The following AGAP1 variants were observed in gnomAD, a reference collection of about 807,000 sequenced individuals.
AGAP1 encodes ArfGAP with GTPase domain, ankyrin repeat and PH domain 1, also known as arf-GAP with GTPase, ANK repeat and PH domain-containing protein 1.
A neutral mutation model predicts 105.3 loss-of-function variants in AGAP1; 29 were observed. The observed-to-expected ratio is 0.28, with a 90% confidence interval of 0.21 to 0.38. AGAP1 has a LOEUF of 0.38. Ranked by LOEUF, AGAP1 falls within the 10% of genes least tolerant of loss-of-function variation. The pLI is 1.00. For synonymous variants in AGAP1, 509 were observed against 485.9 expected, an observed-to-expected ratio of 1.05 and a Z score of -0.63; for missense variants, 998 against 1,165.1, an observed-to-expected ratio of 0.86 and a Z score of 2.09.
intron 9 of AGAP1, among the ~76,000 whole-genome samples, chr2:235,871,598 T>C (rs998148523): frequency 1.3e-5 from 2 of 152,248 alleles, no homozygotes; most frequent in African/African-American, 4.8e-5. Flanking sequence ...GTTTTTGATT[T>C]TTGTTACAGC....
At chr2:235,717,785 T>A in intron 3 of AGAP1, 141 bp downstream of exon 3, 1 of 712,430 alleles carries the variant, frequency 1.4e-6, no homozygotes, top group Non-Finnish European at 2.3e-6. Flanking sequence ...CCCTTAAGTA[T>A]GTGGTTTCTT....
chr2:235,717,701 C>T (rs1264520090), intron 3 of AGAP1, 57 bp downstream of exon 3: 1 of 1,440,098 alleles, frequency 6.9e-7, no homozygotes, highest in Non-Finnish European at 9.6e-7. Flanking sequence ...AAAATTTTTC[C>T]TTAGCATATT....
intron 9 of AGAP1, among the ~76,000 whole-genome samples, chr2:235,818,964 G>C (rs748325814): frequency 4.6e-5 from 7 of 152,210 alleles, no homozygotes; most frequent in Non-Finnish European, 1.0e-4. Flanking sequence ...TTTACGCAGG[G>C]CTGTCCTGGA....
Position 236,050,772 on chromosome 2 carries a change from A to G in AGAP1, c.2114+1491A>G, listed in dbSNP as rs1262799842. ...AAGAAGCACATTCACTATTTTTAAT[A>G]TCATGAATTATTAGAAAAGTTTGTT... On this transcript the variant is annotated intron_variant, in intron 16 of 17. Transcript: ENST00000304032. This position sits in a 1 kb window ranked among gnomAD's most constrained non-coding sequence, Gnocchi z 4.0. Among the ~76,000 whole-genome samples the G allele has an allele frequency of 1.3e-5, 2 of 152,256 alleles. No homozygotes were observed. The highest frequency in any genetic ancestry group is 2.4e-5 in the African/African-American group (1 of 41,472).
intron 14 of AGAP1, among the ~76,000 whole-genome samples, chr2:236,039,172 C>T (rs1479644752): frequency 1.3e-5 from 2 of 152,104 alleles, no homozygotes; most frequent in African/African-American, 2.4e-5. Flanking sequence ...CAGCCAGACA[C>T]GATGGTTCAC....
intron 13 of AGAP1, among the ~76,000 whole-genome samples, chr2:236,015,035 T>C (rs1275597444): frequency 6.6e-6 from 1 of 152,210 alleles, no homozygotes; most frequent in African/African-American, 2.4e-5. Flanking sequence ...CCTGTGGTCT[T>C]TTCATCTTTT....
In AGAP1 at chr2:235,796,312, G is replaced by A. The variant is rs545944800; in HGVS notation, c.674-1447G>A. Among the ~76,000 whole-genome samples the A allele has an allele frequency of 2.0e-5, 3 of 152,270 alleles. No individual in the cohort carries two copies. In the South Asian group the frequency reaches 6.2e-4, roughly 32 times the overall value. Reference sequence around the variant, plus strand: ...TTGAAATCTTAGATTTTATTTTTGAGTTCACATAATGACTTTAAAATATTC... The same window carrying A: ...TTGAAATCTTAGATTTTATTTTTGAATTCACATAATGACTTTAAAATATTC... On this transcript the variant is annotated intron_variant, in intron 6 of 17. Transcript: ENST00000304032.
chr2:235,521,130 A>G (rs1354932566), intron 1 of AGAP1, among the ~76,000 whole-genome samples: 2 of 152,234 alleles, frequency 1.3e-5, no homozygotes, highest in African/African-American at 4.8e-5. Flanking sequence ...CAGAGCTTCC[A>G]ACAGTGTGAC....
At chr2:235,666,002 G>C (rs1238470495) in intron 1 of AGAP1, among the ~76,000 whole-genome samples, 1 of 152,194 alleles carries the variant, frequency 6.6e-6, no homozygotes, top group African/African-American at 2.4e-5. Flanking sequence ...GAGGAGTCGT[G>C]AGACGGTGGC....
At position 236,042,713 on chromosome 2, in the gene AGAP1, G is replaced by C. The variant is rs75462634; in HGVS notation, c.1891+1872G>C. 0.011 allele frequency among the ~76,000 whole-genome samples: 1,733 copies of C among 152,232 alleles called. 41 individuals carry two copies. Among genetic ancestry groups the C allele is most frequent in the African/African-American group, 0.039 (1,603 of 41,532 alleles). On this transcript the variant is annotated intron_variant, in intron 15 of 17. Transcript: ENST00000304032. This position sits in a 1 kb window ranked among gnomAD's most constrained non-coding sequence, Gnocchi z 5.6. ...AGCTTGTGCATGTGAGTGCGGATGG[G>C]GGGTGGGAAAGGGAGGCCAGTGCAG...
At chr2:235,760,264 G>A (rs1175691583) in intron 6 of AGAP1, among the ~76,000 whole-genome samples, 1 of 152,076 alleles carries the variant, frequency 6.6e-6, no homozygotes, top group African/African-American at 2.4e-5. Context: ...CTGTAGTCCC[G>A]GCTACTCGGG....
chr2:235,707,476 C>G (rs1950596054), intron 1 of AGAP1, among the ~76,000 whole-genome samples: 3 of 93,250 alleles, frequency 3.2e-5, no homozygotes, highest in Non-Finnish European at 6.7e-5. Flanking sequence ...CCCATGACCC[C>G]CCCCCCCCCC....
At chr2:235,748,188 G>A (rs1559430591) in intron 5 of AGAP1, among the ~76,000 whole-genome samples, 1 of 152,348 alleles carries the variant, frequency 6.6e-6, no homozygotes, top group African/African-American at 2.4e-5. Flanking sequence ...GCAGAAGCCC[G>A]TTTTGGTGCA....
chr2:235,648,399 A>G (rs1377368523), intron 1 of AGAP1, among the ~76,000 whole-genome samples: 1 of 152,210 alleles, frequency 6.6e-6, no homozygotes, highest in African/African-American at 2.4e-5. Flanking sequence ...TCTTGGAACC[A>G]TGAAGAGTCT....
intron 11 of AGAP1, among the ~76,000 whole-genome samples, chr2:235,914,644 C>A (rs1272604073): frequency 6.6e-6 from 1 of 152,200 alleles, no homozygotes; most frequent in Non-Finnish European, 1.5e-5. Flanking sequence ...GAGGAAGAAA[C>A]ACGCACTGTC....
At position 236,036,056 on chromosome 2, in the gene AGAP1, A is replaced by G. The variant is rs1411977534; in HGVS notation, c.1646-505A>G. 2.0e-5 allele frequency among the ~76,000 whole-genome samples: 3 copies of G among 151,944 alleles called. No homozygotes were observed. Among genetic ancestry groups the G allele is most frequent in the African/African-American group, 7.3e-5 (3 of 41,348 alleles). ...TCCCATGCACTCTCCCTGTCTGAAA[A>G]CGTGGGAATTGATGCCTCTCCCACG... On this transcript the variant is annotated intron_variant, in intron 13 of 17. Transcript: ENST00000304032. The surrounding 1 kb of genome is among the most constrained non-coding windows in gnomAD (Gnocchi z 5.7).
rs2054930415 is a variant in AGAP1, at chr2:235,977,995, C to T, written c.1645+9372C>T. Among the ~76,000 whole-genome samples the T allele has an allele frequency of 6.6e-6, 1 of 152,064 alleles. No homozygotes were observed. The highest frequency in any genetic ancestry group is 2.1e-4 in the South Asian group (1 of 4,820). On this transcript the variant is annotated intron_variant, in intron 13 of 17. Coordinates refer to ENST00000304032, the MANE Select transcript of AGAP1 (RefSeq NM_001037131.3). This position sits in a 1 kb window ranked among gnomAD's most constrained non-coding sequence, Gnocchi z 5.2. Reference sequence around the variant, plus strand: ...AGCTCTCTTCCTGGCTTGCAGGTGGCCCTTTTCTTGCTGTGTCCTCATGTG... The same window carrying T: ...AGCTCTCTTCCTGGCTTGCAGGTGGTCCTTTTCTTGCTGTGTCCTCATGTG...
At chr2:236,028,278 C>CG (rs1326454964) in intron 13 of AGAP1, among the ~76,000 whole-genome samples, 1 of 152,138 alleles carries the variant, frequency 6.6e-6, no homozygotes, top group Non-Finnish European at 1.5e-5. Context: ...TTTCATTCTC[C>CG]GGGAGAGGAG....
At chr2:235,706,436 G>A (rs1421698270) in intron 1 of AGAP1, among the ~76,000 whole-genome samples, 1 of 151,800 alleles carries the variant, frequency 6.6e-6, no homozygotes, top group East Asian at 1.9e-4. Flanking sequence ...CACCATGTTA[G>A]CCAGGATGAT....
Sources: allele counts gnomAD v4.1 joint callset (sites outside exome capture counted in the v4.1 genomes callset), GRCh38; gene constraint gnomAD v4.1.1; non-coding constraint Gnocchi (gnomAD v3.1); transcripts MANE v1.5; gene names NCBI Gene and HGNC (gene_info 2026-07-23, HGNC 2026-07-21).